Variants in E2F8 observed in about 807,000 individuals in gnomAD.
E2F8 encodes the protein transcription factor E2F8.
In E2F8, 35 loss-of-function variants were observed where a neutral mutation model predicts 80.8. The observed-to-expected ratio is 0.43, with a 90% confidence interval of 0.33 to 0.57. E2F8 has a LOEUF of 0.57. Ranked by LOEUF, E2F8 falls within the 20% of genes least tolerant of loss-of-function variation. The probability of loss-of-function intolerance (pLI) is 0.04; values close to 1 mark genes in which losing one functional copy is unlikely to be tolerated. For missense variants in E2F8, 975 were observed against 1,056.2 expected (o/e 0.92, Z 1.07); for synonymous variants, 386 against 395.0 (o/e 0.98, Z 0.27).
chr11:19,240,320 A>G (rs1022366217), intron 1 of E2F8, 90 bp from the exon 2 acceptor site: 1 of 361,596 alleles, frequency 2.8e-6, no homozygotes, highest in Non-Finnish European at 5.1e-6. Context: ...AGGCTACGGA[A>G]ACAAAGCCTA....
At position 19,224,513 on chromosome 11, in the gene E2F8, A is replaced by G; in HGVS notation, c.*145T>C. On this transcript the variant is annotated 3_prime_UTR_variant, in exon 13 of 13. Transcript: ENST00000250024. Reference sequence around the variant, plus strand: ...TGTGTGTGTGTATATATATATATGTATGAAAACAACTATCTGATTTCACAT... The same window carrying G: ...TGTGTGTGTGTATATATATATATGTGTGAAAACAACTATCTGATTTCACAT... 1.5e-6 allele frequency: 1 copy of G among 662,704 alleles called. No individual in the cohort carries two copies. The highest frequency in any genetic ancestry group is 2.1e-5 in the South Asian group (1 of 47,864). The allele number at this position is 662,704 out of a possible 1,614,324, so 41.1% of individuals were successfully genotyped here.
Position 19,230,733 on chromosome 11 carries a change from T to C in E2F8, c.1168A>G (p.Asn390Asp), listed in dbSNP as rs369778521. 6.2e-7 allele frequency: 1 copy of C among 1,614,058 alleles called. No individual in the cohort carries two copies. Among genetic ancestry groups the C allele is most frequent in the Non-Finnish European group, 8.5e-7 (1 of 1,180,044 alleles). The change falls in exon 8 of 13, where the codon AAC becomes GAC. Residue 390 changes from asparagine to aspartate, a missense_variant. Asn to Asp is a conservative substitution (Grantham distance 23). Transcript: ENST00000250024. ...ATAAGAGATGGGTGTCGAGTAAAGT[T>C]TGGTTTCCCACGTGTGGAAAAGAGG... ...KNLFSTRGKP[N>D]FTRHPSLIKL...
Position 19,224,496 on chromosome 11 carries a change from T to A in E2F8, c.*162A>T. On this transcript the variant is annotated 3_prime_UTR_variant, in exon 13 of 13. Transcript: ENST00000250024. ...GTGTGTGTGTGTGTGTGTGTGTGTG[T>A]GTATATATATATATGTATGAAAACA... The A allele has an allele frequency of 1.8e-6, 1 of 566,852 alleles. No homozygotes were observed. Among genetic ancestry groups the A allele is most frequent in the Non-Finnish European group, 3.1e-6 (1 of 326,728 alleles). 35.1% of individuals were successfully genotyped at this position (566,852 alleles called of 1,614,324 possible).
At chr11:19,232,667 G>C (rs1231074925) in intron 6 of E2F8, among the ~76,000 whole-genome samples, 2 of 152,208 alleles carry the variant, frequency 1.3e-5, no homozygotes, top group Non-Finnish European at 2.9e-5. Flanking sequence ...GTTACAGACT[G>C]TTTCAAAAAT....
At chr11:19,241,398 C>A (rs1851663243), upstream of E2F8, 1 of 153,426 alleles carries the variant, frequency 6.5e-6, no homozygotes, top group Admixed American at 6.5e-5. The surrounding 1 kb of genome is among the most constrained non-coding windows in gnomAD (Gnocchi z 4.5). Context: ...CCCTCTGCGT[C>A]CCGCTGACCT....
intron 6 of E2F8, among the ~76,000 whole-genome samples, chr11:19,233,062 A>C (rs1467660340): frequency 6.6e-6 from 1 of 152,196 alleles, no homozygotes; most frequent in Non-Finnish European, 1.5e-5. Flanking sequence ...ATAGTTTTCA[A>C]GGCTATGACT....
Position 19,224,497 on chromosome 11 carries a change from G to GTA in E2F8, c.*159_*160dup, listed in dbSNP as rs1554970934. The GTA allele has an allele frequency of 6.9e-3, 2,753 of 398,358 alleles. 42 individuals carry two copies. Among genetic ancestry groups the GTA allele is most frequent in the African/African-American group, 0.029 (1,387 of 48,148 alleles). 24.7% of individuals were successfully genotyped at this position (398,358 alleles called of 1,614,324 possible). A position where few individuals can be genotyped will look rare whatever the true frequency, so the allele number is the denominator to read the frequency against. ...TGTGTGTGTGTGTGTGTGTGTGTGT[G>GTA]TATATATATATATGTATGAAAACAA... is the stretch of plus-strand genomic sequence containing the variant. On this transcript the variant is annotated 3_prime_UTR_variant, in exon 13 of 13. Transcript: ENST00000250024.
chr11:19,234,716 G>A (rs777851027), intron 5 of E2F8, 28 bp downstream of exon 5: 6 of 1,587,854 alleles, frequency 3.8e-6, no homozygotes, highest in African/African-American at 1.3e-5. Context: ...ATGCCATGCC[G>A]CCTGGAGTTT....
chr11:19,226,772 TAAGTA>T (rs1565066495), intron 10 of E2F8, among the ~76,000 whole-genome samples: 1 of 152,190 alleles, frequency 6.6e-6, no homozygotes, highest in African/African-American at 2.4e-5. Context: ...AGAAATTATA[TAAGTA>T]AAGATTTCTT....
At chr11:19,236,000 T>C (rs931921517) in intron 4 of E2F8, among the ~76,000 whole-genome samples, 1 of 152,236 alleles carries the variant, frequency 6.6e-6, no homozygotes, top group African/African-American at 2.4e-5. Context: ...TAAATTGGGT[T>C]TTCAATATTC....
chr11:19,237,554 A>G, intron 3 of E2F8, 84 bp from the exon 4 acceptor site: 1 of 1,392,022 alleles, frequency 7.2e-7, no homozygotes, highest in Non-Finnish European at 9.8e-7. Context: ...GATGACTGAC[A>G]CCAACTTACA....
At chr11:19,224,864 C>A in intron 12 of E2F8, 24 bp from the exon 13 acceptor site, 1 of 1,612,788 alleles carries the variant, frequency 6.2e-7, no homozygotes. Flanking sequence ...GAAGAATGGA[C>A]AAAAGAAGTC....
At chr11:19,225,928 C>G in intron 10 of E2F8, 64 bp from the exon 11 acceptor site, 1 of 1,558,884 alleles carries the variant, frequency 6.4e-7, no homozygotes, top group Non-Finnish European at 8.7e-7. Context: ...GGCCACGTGC[C>G]TCTTTCAGGA....
intron 10 of E2F8, among the ~76,000 whole-genome samples, chr11:19,227,147 C>T (rs1416972388): frequency 2.0e-5 from 3 of 152,224 alleles, no homozygotes; most frequent in Admixed American, 6.5e-5. Flanking sequence ...CCTTTCTTCT[C>T]TCCATTGTCA....
chr11:19,225,016 A>G, intron 12 of E2F8, 176 bp from the exon 13 acceptor site: 1 of 1,114,654 alleles, frequency 9.0e-7, no homozygotes, highest in Non-Finnish European at 1.3e-6. Context: ...TTGTTAGGGG[A>G]GAGACAAAAA....
rs1033773923 is a variant in E2F8, at chr11:19,240,785, T to G, written c.-347A>C. On this transcript the variant is annotated 5_prime_UTR_variant, in exon 1 of 13. Transcript: ENST00000250024. ...TTTAAAGAGTCTTATAATTAAGACT[T>G]TTTTTTTAAATTTAAAAAAGGGCTT... 1 of 151,952 alleles carries G rather than the reference T, an allele frequency of 6.6e-6. No individual in the cohort carries two copies. Among genetic ancestry groups the G allele is most frequent in the Non-Finnish European group, 1.5e-5 (1 of 67,970 alleles). 9.4% of individuals were successfully genotyped at this position (151,952 alleles called of 1,614,324 possible). A position where few individuals can be genotyped will look rare whatever the true frequency, so the allele number is the denominator to read the frequency against.
At chr11:19,226,002 C>T in intron 10 of E2F8, 138 bp from the exon 11 acceptor site, 2 of 925,706 alleles carry the variant, frequency 2.2e-6, no homozygotes, top group Non-Finnish European at 3.3e-6. Context: ...TGCAGGCAGG[C>T]TGGTCACCTG....
intron 2 of E2F8, among the ~76,000 whole-genome samples, chr11:19,239,089 TA>T (rs1240377247): frequency 6.6e-6 from 1 of 152,188 alleles, no homozygotes; most frequent in Non-Finnish European, 1.5e-5. Context: ...CAGCAATAAG[TA>T]AAATAATAGG....
intron 6 of E2F8, among the ~76,000 whole-genome samples, chr11:19,233,120 A>C (rs1006547339): frequency 6.6e-6 from 1 of 152,318 alleles, no homozygotes. Context: ...ACAAAAGGCA[A>C]GTAACCCCTC....
Sources: allele counts gnomAD v4.1 joint callset (sites outside exome capture counted in the v4.1 genomes callset), GRCh38; gene constraint gnomAD v4.1.1; non-coding constraint Gnocchi (gnomAD v3.1); transcripts MANE v1.5; gene names NCBI Gene and HGNC (gene_info 2026-07-23, HGNC 2026-07-21).